Variants in PNPLA7 observed in about 807,000 individuals in gnomAD.
PNPLA7 encodes the protein patatin like domain 7, lysophospholipase, also known as patatin-like phospholipase domain-containing protein 7.
Under a neutral mutation model 161.7 loss-of-function variants are expected in PNPLA7, and 153 were observed. The observed-to-expected ratio is 0.95, with a 90% CI of 0.83 to 1.08. The LOEUF (loss-of-function observed/expected upper bound fraction) is 1.08. Among genes scored for constraint, PNPLA7 ranks in the 50% least tolerant of loss-of-function variants. The pLI, the probability that PNPLA7 is intolerant of heterozygous loss-of-function variation, is 0.00. For missense variants in PNPLA7, 1,739 were observed against 1,856.6 expected (o/e 0.94, Z 1.16); for synonymous variants, 809 against 782.1 (o/e 1.03, Z -0.57).
rs561198294 is a variant in PNPLA7 at position 137,500,475 on chromosome 9, G to A, written c.1757+216C>T. ...CTGGGACCAGACCACAGAGACGGCC[G>A]TGCGAAGCTGATCGCTGCGGGCAGG... On this transcript the variant is annotated intron_variant, in intron 16 of 34. Coordinates refer to ENST00000406427, the MANE Select transcript of PNPLA7 (RefSeq NM_001098537.3). The surrounding 1 kb of genome is among the most constrained non-coding windows in gnomAD (Gnocchi z 5.5). Among the ~76,000 whole-genome samples the A allele has an allele frequency of 1.3e-4, 20 of 152,352 alleles. No homozygotes were observed. The highest frequency in any genetic ancestry group is 3.9e-4 in the East Asian group (2 of 5,186).
rs139812464 is a variant in PNPLA7 at position 137,525,155 on chromosome 9, G to C, written c.748-2298C>G. ...CCCAACCTCCCACCTGCGGGGAGGGGAGGAAGCTAGACATCGAGTTGGATC... is the reference window on the plus strand; with the variant it reads ...CCCAACCTCCCACCTGCGGGGAGGGCAGGAAGCTAGACATCGAGTTGGATC... On this transcript the variant is annotated intron_variant, in intron 8 of 34. Transcript: ENST00000406427. Among the ~76,000 whole-genome samples the C allele has an allele frequency of 8.1e-3, 1,227 of 152,338 alleles. 18 individuals carry two copies. The highest frequency in any genetic ancestry group is 0.028 in the African/African-American group (1,175 of 41,580).
intron 20 of PNPLA7, among the ~76,000 whole-genome samples, chr9:137,489,492 C>A (rs538961511): frequency 1.2e-4 from 19 of 152,252 alleles, no homozygotes; most frequent in African/African-American, 3.6e-4. Context: ...ACCCAGTATG[C>A]CAAGAGCAAG....
At chr9:137,546,965 G>A (rs1836564483) in intron 3 of PNPLA7, 56 bp from the exon 4 acceptor site, 1 of 1,520,512 alleles carries the variant, frequency 6.6e-7, no homozygotes, top group Non-Finnish European at 9.1e-7. Context: ...GCCTGGTCCT[G>A]GACATGCAGG....
chr9:137,503,892 G>A (rs1215605879), intron 14 of PNPLA7, among the ~76,000 whole-genome samples: 4 of 74,478 alleles, frequency 5.4e-5, no homozygotes, highest in Non-Finnish European at 1.3e-4. Context: ...GAAGAAGGAA[G>A]AAGAAGAAGG....
At chr9:137,536,390 A>T (rs1835890413) in intron 8 of PNPLA7, among the ~76,000 whole-genome samples, 1 of 151,892 alleles carries the variant, frequency 6.6e-6, no homozygotes, top group South Asian at 2.1e-4. Context: ...AGGCCTGGGG[A>T]GGGTCCGACT....
chr9:137,527,459 G>A (rs1001542621), intron 8 of PNPLA7, among the ~76,000 whole-genome samples: 3 of 152,068 alleles, frequency 2.0e-5, no homozygotes, highest in African/African-American at 4.8e-5. Context: ...AGTTTTTATC[G>A]TGAACAGATG....
At chr9:137,530,081 C>T (rs1835509079) in intron 8 of PNPLA7, among the ~76,000 whole-genome samples, 1 of 152,174 alleles carries the variant, frequency 6.6e-6, no homozygotes, top group African/African-American at 2.4e-5. Flanking sequence ...TCTCCGGCCT[C>T]AGCCTCCCGA....
At position 137,476,845 on chromosome 9, in the gene PNPLA7, G is replaced by A. The variant is rs1831960460; in HGVS notation, c.2882+1189C>T. ...ATTGAACTGCTGTAGGCCAACTTCC[G>A]CAGCTTTCAAGAGAAAATGTGGCAC... On this transcript the variant is annotated intron_variant, in intron 25 of 34. Transcript: ENST00000406427. This position sits in a 1 kb window ranked among gnomAD's most constrained non-coding sequence, Gnocchi z 4.5. 6.6e-6 allele frequency among the ~76,000 whole-genome samples: 1 copy of A among 152,186 alleles called. No individual in the cohort carries two copies. The highest frequency in any genetic ancestry group is 1.5e-5 in the Non-Finnish European group (1 of 68,034).
At chr9:137,515,234 G>T in intron 12 of PNPLA7, 145 bp downstream of exon 12, 1 of 1,089,524 alleles carries the variant, frequency 9.2e-7, no homozygotes, top group Non-Finnish European at 1.3e-6. Flanking sequence ...CCAGAGGACA[G>T]GCACAGGCCC....
At chr9:137,538,582 C>T (rs1437161364) in intron 8 of PNPLA7, among the ~76,000 whole-genome samples, 1 of 152,180 alleles carries the variant, frequency 6.6e-6, no homozygotes, top group African/African-American at 2.4e-5. Context: ...GTAGAAGTTA[C>T]CTTGATACAC....
intron 12 of PNPLA7, 32 bp from the exon 13 acceptor site, chr9:137,506,115 T>G (rs770931559): frequency 8.6e-5 from 135 of 1,576,354 alleles, no homozygotes; most frequent in Middle Eastern, 1.7e-4. Flanking sequence ...AGGACACGGT[T>G]CGCTAGGCCA....
intron 21 of PNPLA7, 126 bp from the exon 22 acceptor site, chr9:137,481,149 G>T: frequency 1.0e-6 from 1 of 978,628 alleles, no homozygotes; most frequent in Non-Finnish European, 1.6e-6. Flanking sequence ...GCACCAAGGA[G>T]GAGGAAGGCA....
In PNPLA7 at chr9:137,462,777, G is replaced by A. The variant is rs183661910; in HGVS notation, c.3400C>T (p.Arg1134Ter). The A allele has an allele frequency of 4.3e-6, 7 of 1,613,862 alleles. No individual in the cohort carries two copies. The highest frequency in any genetic ancestry group is 3.3e-5 in the South Asian group (3 of 91,080). ...TAGTTGGTGAGGTCCGTCTCATCTCGGCTGCCCACGTCAATGGCGATCACC... is the reference window on the plus strand; with the variant it reads ...TAGTTGGTGAGGTCCGTCTCATCTCAGCTGCCCACGTCAATGGCGATCACC... ...KVVIAIDVGS[R>*]DETDLTNYGD... The change falls in exon 30 of 35, where the codon CGA (arginine) becomes TGA (stop). Residue 1134 changes from arginine to a stop codon, truncating the protein, a stop_gained. Coordinates refer to ENST00000406427, the MANE Select transcript of PNPLA7 (RefSeq NM_001098537.3). LOFTEE classifies it high-confidence loss of function.
At position 137,541,397 on chromosome 9, in the gene PNPLA7, C is replaced by A. The variant is rs1836195203; in HGVS notation, c.667-675G>T. On this transcript the variant is annotated intron_variant, in intron 7 of 34. Coordinates refer to ENST00000406427, the MANE Select transcript of PNPLA7 (RefSeq NM_001098537.3). The surrounding 1 kb of genome is among the most constrained non-coding windows in gnomAD (Gnocchi z 4.4). Reference sequence around the variant, plus strand: ...CCTTCTAATAACCCATCAAGTCCAGCCACAGACAAAGCGACAAACCTGAGA... The same window carrying A: ...CCTTCTAATAACCCATCAAGTCCAGACACAGACAAAGCGACAAACCTGAGA... 6 of 984,682 alleles carry A rather than the reference C, an allele frequency of 6.1e-6. No individual in the cohort carries two copies. The highest frequency in any genetic ancestry group is 1.7e-5 in the African/African-American group (1 of 57,226). The allele number at this position is 984,682 out of a possible 1,614,324, so 61.0% of individuals were successfully genotyped here.
At chr9:137,538,935 C>A (rs1470177220) in intron 8 of PNPLA7, among the ~76,000 whole-genome samples, 1 of 152,094 alleles carries the variant, frequency 6.6e-6, no homozygotes, top group African/African-American at 2.4e-5. Context: ...TCCTGTAATC[C>A]CAGGTACTCA....
At chr9:137,514,502 T>C (rs1357353493) in intron 12 of PNPLA7, among the ~76,000 whole-genome samples, 1 of 122,004 alleles carries the variant, frequency 8.2e-6, no homozygotes, top group African/African-American at 3.2e-5. Flanking sequence ...GTCACCTGAC[T>C]GTTGAGGTGC....
Position 137,500,162 on chromosome 9 carries a change from C to T in PNPLA7, c.1757+529G>A, listed in dbSNP as rs1833300781. Reference sequence around the variant, plus strand: ...GGACAGATGTCTTCCAGCCCGGAGCCTGGAAGGCGACACGGGCACATTCTG... The same window carrying T: ...GGACAGATGTCTTCCAGCCCGGAGCTTGGAAGGCGACACGGGCACATTCTG... On this transcript the variant is annotated intron_variant, in intron 16 of 34. Transcript: ENST00000406427. This position sits in a 1 kb window ranked among gnomAD's most constrained non-coding sequence, Gnocchi z 5.5. 6.6e-6 allele frequency among the ~76,000 whole-genome samples: 1 copy of T among 152,250 alleles called. No homozygotes were observed. Among genetic ancestry groups the T allele is most frequent in the Non-Finnish European group, 1.5e-5 (1 of 68,036 alleles).
At chr9:137,507,923 C>A (rs1309060412) in intron 12 of PNPLA7, among the ~76,000 whole-genome samples, 1 of 152,152 alleles carries the variant, frequency 6.6e-6, no homozygotes, top group Middle Eastern at 3.4e-3. Flanking sequence ...CCAGGTGCAG[C>A]GGCTCATGCC....
At chr9:137,473,597 G>A (rs1372626633) in intron 25 of PNPLA7, among the ~76,000 whole-genome samples, 7 of 152,214 alleles carry the variant, frequency 4.6e-5, no homozygotes, top group South Asian at 2.1e-4. Flanking sequence ...GAACTCCTTC[G>A]ATACAATAGT....
Sources: gnomAD v4.1 joint callset for allele counts (sites outside exome capture counted in the v4.1 genomes callset) on GRCh38, gnomAD v4.1.1 for gene constraint, Gnocchi (gnomAD v3.1) non-coding constraint, MANE v1.5 for transcripts, NCBI Gene and HGNC (gene_info 2026-07-23, HGNC 2026-07-21) for gene names.